Variants in NAA11 observed in about 807,000 individuals in gnomAD.
NAA11 encodes N-alpha-acetyltransferase 11.
Under a neutral mutation model 16.1 loss-of-function variants are expected in NAA11, and 15 were observed. The observed-to-expected ratio is 0.93, with a 90% CI of 0.62 to 1.44. The LOEUF (loss-of-function observed/expected upper bound fraction) is 1.44. NAA11 is among the 40% of genes most tolerant of loss of function. The probability of loss-of-function intolerance (pLI) is 0.00; values close to 1 mark genes in which losing one functional copy is unlikely to be tolerated. For synonymous variants in NAA11, 122 were observed against 112.4 expected (o/e 1.09, Z -0.54); for missense variants, 298 against 291.3 (o/e 1.02, Z -0.17).
At chr4:79,229,011 A>G (rs1721391961) in intron 2 of NAA11, among the ~76,000 whole-genome samples, 2 of 151,908 alleles carry the variant, frequency 1.3e-5, no homozygotes, top group Non-Finnish European at 2.9e-5. Flanking sequence ...CTCCCAGTCT[A>G]TGGCTTTTCT....
At chr4:79,269,198 T>A (rs1186773447) in intron 2 of NAA11, among the ~76,000 whole-genome samples, 2 of 147,612 alleles carry the variant, frequency 1.4e-5, no homozygotes, top group African/African-American at 5.1e-5. Context: ...ATGATTTATA[T>A]TCCTTTGGGT....
At position 79,325,801 on chromosome 4, in the gene NAA11, T is replaced by G. The variant is rs1435100941; in HGVS notation, c.77A>C (p.Tyr26Ser). Reference protein sequence around the residue: ...HCNLLCLPENYQMKYYLYHGL... With the variant: ...HCNLLCLPENSQMKYYLYHGL... ...ATGATATAAATAGTATTTCATCTGG[T>G]AGTTCTCAGGAAGGCAAAGGAGGTT... The change falls in exon 1 of 2, where the codon TAC becomes TCC. Residue 26 changes from tyrosine to serine, a missense_variant. Transcript: ENST00000286794. The G allele has an allele frequency of 6.2e-7, 1 of 1,614,028 alleles. No homozygotes were observed. The highest frequency in any genetic ancestry group is 8.5e-7 in the Non-Finnish European group (1 of 1,180,016).
At chr4:79,299,852 T>G (rs770003199) in intron 1 of NAA11, among the ~76,000 whole-genome samples, 1 of 152,208 alleles carries the variant, frequency 6.6e-6, no homozygotes, top group African/African-American at 2.4e-5. Flanking sequence ...AGATGGTAAC[T>G]CTAACATCTT....
the NAA11 span, among the ~76,000 whole-genome samples, chr4:79,217,177 G>C: frequency 6.6e-6 from 1 of 152,148 alleles, no homozygotes; most frequent in African/African-American, 2.4e-5. Context: ...TAGTGAGGCA[G>C]CATTTTCATA....
At chr4:79,229,341 G>T (rs1182677605) in intron 2 of NAA11, among the ~76,000 whole-genome samples, 1 of 151,770 alleles carries the variant, frequency 6.6e-6, no homozygotes, top group African/African-American at 2.4e-5. Flanking sequence ...AAATACCTCT[G>T]CTCTTTTGTC....
the NAA11 span, among the ~76,000 whole-genome samples, chr4:79,193,732 C>T: frequency 6.6e-6 from 1 of 152,098 alleles, no homozygotes; most frequent in Non-Finnish European, 1.5e-5. Context: ...TGCATATGAA[C>T]TTTAAAATAG....
downstream of NAA11, among the ~76,000 whole-genome samples, chr4:79,221,679 G>A (rs62310509): frequency 0.52 from 36,578 of 70,152 alleles, 11,755 homozygotes; most frequent in East Asian, 0.8. Context: ...GATTACATTT[G>A]TTGATTTGCG....
At chr4:79,318,980 C>A (rs1206415731) in intron 1 of NAA11, among the ~76,000 whole-genome samples, 3 of 152,092 alleles carry the variant, frequency 2.0e-5, no homozygotes, top group African/African-American at 4.8e-5. Context: ...CACAGTGGTA[C>A]AATCATGGCT....
intron 2 of NAA11, among the ~76,000 whole-genome samples, chr4:79,240,334 G>T (rs574346465): frequency 2.8e-4 from 42 of 152,244 alleles, no homozygotes; most frequent in African/African-American, 9.9e-4. Context: ...AAGCAGTCAG[G>T]TATAGTGTCA....
intron 1 of NAA11, among the ~76,000 whole-genome samples, chr4:79,319,781 C>A (rs1054033714): frequency 3.9e-5 from 6 of 152,180 alleles, no homozygotes; most frequent in Non-Finnish European, 8.8e-5. Flanking sequence ...TGGTTTCTGG[C>A]ATATCTGGGG....
chr4:79,297,136 G>A (rs1038425), intron 1 of NAA11, among the ~76,000 whole-genome samples: 86,261 of 152,044 alleles, frequency 0.57, 25,270 homozygotes, highest in African/African-American at 0.69. Context: ...TGCAGTTGCC[G>A]CTGTCGCCTG....
At chr4:79,188,600 A>C in the NAA11 span, among the ~76,000 whole-genome samples, 3 of 151,630 alleles carry the variant, frequency 2.0e-5, no homozygotes, top group Non-Finnish European at 2.9e-5. Flanking sequence ...AAAAGAAAAA[A>C]AAAAAGACAA....
chr4:79,200,482 T>A, the NAA11 span, among the ~76,000 whole-genome samples: 5 of 151,748 alleles, frequency 3.3e-5, no homozygotes, highest in Non-Finnish European at 7.4e-5. Context: ...GTGAAGGTAT[T>A]GTATAAAATG....
At chr4:79,289,512 T>G (rs569300038) in intron 2 of NAA11, among the ~76,000 whole-genome samples, 1 of 152,206 alleles carries the variant, frequency 6.6e-6, no homozygotes, top group African/African-American at 2.4e-5. Context: ...TTTACATCAA[T>G]TATCTCGTTT....
chr4:79,235,245 C>T (rs1186277347), intron 2 of NAA11, among the ~76,000 whole-genome samples: 2 of 152,094 alleles, frequency 1.3e-5, no homozygotes, highest in Non-Finnish European at 2.9e-5. Flanking sequence ...AGAGCACCCA[C>T]AGGATTCACG....
the NAA11 span, among the ~76,000 whole-genome samples, chr4:79,187,137 T>C: frequency 5.3e-5 from 8 of 152,238 alleles, no homozygotes; most frequent in African/African-American, 1.9e-4. Flanking sequence ...TAGGTTTGCA[T>C]TTTCTCAAAT....
intron 2 of NAA11, chr4:79,227,303 C>T (rs1393289225): frequency 6.6e-6 from 1 of 151,976 alleles, no homozygotes; most frequent in Non-Finnish European, 1.5e-5. Flanking sequence ...AGAACTCAAA[C>T]AAATTTACAA....
downstream of NAA11, among the ~76,000 whole-genome samples, chr4:79,221,553 A>G (rs1721188549): frequency 7.5e-6 from 1 of 133,366 alleles, no homozygotes; most frequent in Admixed American, 7.9e-5. Flanking sequence ...CGTCCCATCG[A>G]TACCTAATTT....
chr4:79,187,768 G>A, the NAA11 span, among the ~76,000 whole-genome samples: 13 of 152,032 alleles, frequency 8.6e-5, no homozygotes, highest in East Asian at 1.9e-3. Flanking sequence ...AGGCCGAGGC[G>A]GGCTGATCAC....
Sources: allele counts gnomAD v4.1 joint callset (sites outside exome capture counted in the v4.1 genomes callset), GRCh38; gene constraint gnomAD v4.1.1; transcripts MANE v1.5; gene names NCBI Gene and HGNC (gene_info 2026-07-23, HGNC 2026-07-21).